The following ITGB6 variants were observed in gnomAD, a reference collection of about 807,000 sequenced individuals.
ITGB6 encodes integrin beta-6.
In ITGB6, 80 loss-of-function variants were observed where a neutral mutation model predicts 84.5. That is an observed-to-expected ratio of 0.95 (90% CI 0.79 to 1.14). The LOEUF (loss-of-function observed/expected upper bound fraction) is 1.14, where lower values mean the gene tolerates loss of function less well. ITGB6 is among the 50% of genes most tolerant of loss of function. The pLI is 0.00. For synonymous variants in ITGB6, 383 were observed against 354.9 expected, an observed-to-expected ratio of 1.08 and a Z score of -0.89; for missense variants, 1,006 against 968.0, an observed-to-expected ratio of 1.04 and a Z score of -0.52.
chr2:160,106,663 T>C (rs1696920362), intron 14 of ITGB6, among the ~76,000 whole-genome samples: 1 of 152,196 alleles, frequency 6.6e-6, no homozygotes, highest in African/African-American at 2.4e-5. Context: ...ATAAAGTAGA[T>C]AAAAATTTTC....
chr2:160,158,778 C>A (rs148964130), intron 7 of ITGB6, among the ~76,000 whole-genome samples: 4 of 152,152 alleles, frequency 2.6e-5, no homozygotes, highest in African/African-American at 9.7e-5. Flanking sequence ...GGACTGACAG[C>A]AGCAACATCA....
At chr2:160,105,351 A>G (rs1696867230) in intron 14 of ITGB6, among the ~76,000 whole-genome samples, 1 of 152,188 alleles carries the variant, frequency 6.6e-6, no homozygotes, top group Non-Finnish European at 1.5e-5. Context: ...AGAACAATTC[A>G]TGTTTTTGGG....
intron 4 of ITGB6, among the ~76,000 whole-genome samples, chr2:160,185,269 A>T (rs1273512161): frequency 6.6e-6 from 1 of 152,232 alleles, no homozygotes; most frequent in Non-Finnish European, 1.5e-5. Context: ...GCTGATAAGC[A>T]ACTTCAGCAA....
chr2:160,128,885 G>A (rs1471292775), intron 10 of ITGB6, among the ~76,000 whole-genome samples: 1 of 152,108 alleles, frequency 6.6e-6, no homozygotes, highest in Non-Finnish European at 1.5e-5. Flanking sequence ...AGCTCAAGGG[G>A]CCTGTGGGAC....
At chr2:160,139,899 A>T (rs762624969) in intron 8 of ITGB6, among the ~76,000 whole-genome samples, 17 of 152,198 alleles carry the variant, frequency 1.1e-4, no homozygotes, top group Non-Finnish European at 2.4e-4. Context: ...GTGAATGATG[A>T]TCAGATAAGT....
intron 4 of ITGB6, among the ~76,000 whole-genome samples, chr2:160,186,358 T>C (rs530093045): frequency 9.4e-5 from 14 of 149,546 alleles, no homozygotes; most frequent in African/African-American, 3.5e-4. Context: ...AAGAAACATA[T>C]GAAAAAAAGC....
intron 7 of ITGB6, among the ~76,000 whole-genome samples, chr2:160,151,662 G>T (rs573015386): frequency 6.6e-6 from 1 of 152,168 alleles, no homozygotes; most frequent in East Asian, 1.9e-4. Context: ...CTAGGAGCTG[G>T]CTTTTTGAAA....
intron 6 of ITGB6, among the ~76,000 whole-genome samples, chr2:160,169,612 A>G (rs1265411700): frequency 6.6e-6 from 1 of 152,190 alleles, no homozygotes; most frequent in Admixed American, 6.5e-5. Flanking sequence ...AGTGTGTCCT[A>G]TTTTCAAGGG....
chr2:160,117,582 C>G (rs1682840775), intron 12 of ITGB6, among the ~76,000 whole-genome samples: 1 of 152,078 alleles, frequency 6.6e-6, no homozygotes, highest in African/African-American at 2.4e-5. Context: ...AAAACTGACA[C>G]CCTAACATCA....
chr2:160,171,391 GT>G (rs1685198875), intron 6 of ITGB6, among the ~76,000 whole-genome samples: 3 of 146,950 alleles, frequency 2.0e-5, no homozygotes, highest in Admixed American at 6.9e-5. Flanking sequence ...CTAGAGTGCA[GT>G]GGTGCGATCT....
At chr2:160,165,000 C>A (rs1012826635) in intron 7 of ITGB6, among the ~76,000 whole-genome samples, 1 of 152,070 alleles carries the variant, frequency 6.6e-6, no homozygotes, top group Non-Finnish European at 1.5e-5. Context: ...GGCAGCTGGC[C>A]CTCCTCAGTC....
chr2:160,144,103 A>G (rs557829368), intron 7 of ITGB6, among the ~76,000 whole-genome samples: 3 of 152,190 alleles, frequency 2.0e-5, no homozygotes, highest in East Asian at 3.8e-4. Context: ...CAGTGGCCTG[A>G]TCATAGCACA....
At chr2:160,128,030 A>T (rs1400393857) in intron 10 of ITGB6, among the ~76,000 whole-genome samples, 1 of 152,310 alleles carries the variant, frequency 6.6e-6, no homozygotes, top group East Asian at 1.9e-4. Flanking sequence ...GTGCTCAAAA[A>T]ATTCACTACT....
In ITGB6 at chr2:160,180,290, A is replaced by G. The variant is rs187847665; in HGVS notation, c.594-6151T>C. Among the ~76,000 whole-genome samples, 9 of 152,190 alleles carry G rather than the reference A, an allele frequency of 5.9e-5. 1 individual carries two copies. The East Asian group carries it at 1.7e-3, about 29-fold the overall frequency. ...TAAATGAGCTACTCCAGAAAACATAAAGATTAGATTAAAGAGGTGGATTTT... is the reference window on the plus strand; with the variant it reads ...TAAATGAGCTACTCCAGAAAACATAGAGATTAGATTAAAGAGGTGGATTTT... On this transcript the variant is annotated intron_variant, in intron 4 of 14. Coordinates refer to ENST00000283249, the MANE Select transcript of ITGB6 (RefSeq NM_000888.5).
chr2:160,142,075 T>C lies in ITGB6; in HGVS notation c.1018-4A>G, dbSNP rs373938852. ...CAGGAATAAGTTTTGCGTAATTCTG[T>C]AAACAGAAAAAGAGTAAGTCAATCT... On this transcript the variant is annotated splice_region_variant and splice_polypyrimidine_tract_variant and intron_variant, in intron 7 of 14. Transcript: ENST00000283249. 25 of 1,568,796 alleles carry C rather than the reference T, an allele frequency of 1.6e-5. No homozygotes were observed. The highest frequency in any genetic ancestry group is 2.7e-5 in the African/African-American group (2 of 73,234).
At position 160,112,124 on chromosome 2, in the gene ITGB6, G is replaced by T. The variant is rs1398818207; in HGVS notation, c.2057C>A (p.Thr686Lys). 6.2e-7 allele frequency: 1 copy of T among 1,612,590 alleles called. No homozygotes were observed. Among genetic ancestry groups the T allele is most frequent in the Non-Finnish European group, 8.5e-7 (1 of 1,179,110 alleles). Reference protein sequence around the residue: ...NECLITFLITTDNEGKTIIHS... With the variant: ...NECLITFLITKDNEGKTIIHS... The stretch of plus-strand genomic sequence containing the variant: ...AATGATGGTTTTCCCCTCATTATCT[G>T]TAGTTATTAGGAATGTAATAAGACA... Residue 686 changes from threonine (T) to lysine (K), a missense_variant, in exon 13 of 15, where the codon ACA becomes AAA. Coordinates refer to ENST00000283249, the MANE Select transcript of ITGB6 (RefSeq NM_000888.5).
intron 7 of ITGB6, among the ~76,000 whole-genome samples, chr2:160,154,002 A>G (rs1684528728): frequency 6.6e-6 from 1 of 152,236 alleles, no homozygotes; most frequent in Non-Finnish European, 1.5e-5. Flanking sequence ...AAATTAGTTA[A>G]ACCATTGTGG....
chr2:160,124,127 A>T (rs1266939486), intron 11 of ITGB6, among the ~76,000 whole-genome samples: 1 of 152,220 alleles, frequency 6.6e-6, no homozygotes, highest in African/African-American at 2.4e-5. Flanking sequence ...TACTATTTTC[A>T]TTTACCTGTA....
At chr2:160,185,491 A>C (rs182014731) in intron 4 of ITGB6, among the ~76,000 whole-genome samples, 4 of 152,340 alleles carry the variant, frequency 2.6e-5, no homozygotes, top group Non-Finnish European at 4.4e-5. Context: ...ACAAATGGAA[A>C]AACATTCCAT....
Sources: allele counts gnomAD v4.1 joint callset (sites outside exome capture counted in the v4.1 genomes callset), GRCh38; gene constraint gnomAD v4.1.1; transcripts MANE v1.5; gene names NCBI Gene and HGNC (gene_info 2026-07-23, HGNC 2026-07-21).